The following ME1 variants were observed in gnomAD, a reference collection of about 807,000 sequenced individuals.
ME1 encodes NADP-dependent malic enzyme.
In ME1, 74 loss-of-function variants were observed where a neutral mutation model predicts 66.4. The observed-to-expected ratio is 1.11, with a 90% confidence interval of 0.92 to 1.35. ME1 has a LOEUF of 1.35. Among genes scored for constraint, ME1 ranks in the 40% most tolerant of loss-of-function variants. The pLI is 0.00. For synonymous variants in ME1, 251 were observed against 235.6 expected, an observed-to-expected ratio of 1.07 and a Z score of -0.60; for missense variants, 750 against 694.1, an observed-to-expected ratio of 1.08 and a Z score of -0.90.
intron 6 of ME1, among the ~76,000 whole-genome samples, chr6:83,277,364 C>A (rs1441853315): frequency 6.6e-6 from 1 of 152,070 alleles, no homozygotes. Flanking sequence ...GCCTCAGCAC[C>A]CCCAGTTTAA....
chr6:83,412,319 C>A (rs1404352192), intron 1 of ME1, among the ~76,000 whole-genome samples: 1 of 151,824 alleles, frequency 6.6e-6, no homozygotes, highest in African/African-American at 2.4e-5. Context: ...ATTATGGTAA[C>A]AGAACTTATA....
chr6:83,407,868 A>G lies in ME1; in HGVS notation c.112T>C (p.Leu38=). The part of the protein sequence containing the change: ...LAFTLEERQQ[L]NIHGLLPPSF... ...GGTGGCAACAATCCATGAATGTTCAATTGCTGTCTCTCTTCCAGGGTAAAG... is the reference window on the plus strand; with the variant it reads ...GGTGGCAACAATCCATGAATGTTCAGTTGCTGTCTCTCTTCCAGGGTAAAG... The change falls in exon 2 of 14, where the codon TTG becomes CTG. Residue 38 remains leucine (L), a synonymous_variant. Transcript: ENST00000369705. The G allele has an allele frequency of 6.2e-7, 1 of 1,613,052 alleles. No homozygotes were observed. The highest frequency in any genetic ancestry group is 8.5e-7 in the Non-Finnish European group (1 of 1,179,768).
At chr6:83,396,380 C>A (rs946447636) in intron 3 of ME1, among the ~76,000 whole-genome samples, 4 of 151,880 alleles carry the variant, frequency 2.6e-5, no homozygotes, top group Admixed American at 6.6e-5. Flanking sequence ...TAATGATAGC[C>A]ACCAAAACAA....
chr6:83,226,112 T>C (rs1316924808), intron 11 of ME1, among the ~76,000 whole-genome samples: 1 of 152,090 alleles, frequency 6.6e-6, no homozygotes, highest in Non-Finnish European at 1.5e-5. Context: ...CCTTTCCTTT[T>C]TCTCCAATCC....
intron 3 of ME1, among the ~76,000 whole-genome samples, chr6:83,374,055 T>C (rs1252338518): frequency 6.6e-6 from 1 of 152,208 alleles, no homozygotes; most frequent in Non-Finnish European, 1.5e-5. Context: ...AGTGCTGCAA[T>C]AAACATATGT....
intron 3 of ME1, among the ~76,000 whole-genome samples, chr6:83,361,682 C>G (rs924134395): frequency 6.6e-6 from 1 of 152,208 alleles, no homozygotes; most frequent in Non-Finnish European, 1.5e-5. Flanking sequence ...AGAGACAGCT[C>G]CTGGCCTGTT....
At chr6:83,374,590 CTTTAGT>C (rs1562493584) in intron 3 of ME1, among the ~76,000 whole-genome samples, 1 of 152,128 alleles carries the variant, frequency 6.6e-6, no homozygotes, top group East Asian at 1.9e-4. Context: ...TGCAGAAGCT[CTTTAGT>C]TTAAGTAGAT....
At chr6:83,224,701 AAAT>A (rs931303858) in intron 11 of ME1, among the ~76,000 whole-genome samples, 28 of 120,310 alleles carry the variant, frequency 2.3e-4, no homozygotes, top group Middle Eastern at 4.8e-3. Context: ...AAAAAAATAA[AAAT>A]AATAATAATA....
intron 3 of ME1, among the ~76,000 whole-genome samples, chr6:83,357,935 C>CTCTCTCTCTCTCTCTCTCTCTATA (rs1447805761): frequency 1.0e-4 from 3 of 30,038 alleles, no homozygotes; most frequent in African/African-American, 2.3e-4. Flanking sequence ...CTCTCTCTCT[C>CTCTCTCTCTCTCTCTCTCTCTATA]TATATATATA....
At position 83,228,865 on chromosome 6, in the gene ME1, C is replaced by T; in HGVS notation, c.1093G>A (p.Glu365Lys). The T allele has an allele frequency of 6.2e-7, 1 of 1,613,398 alleles. No individual in the cohort carries two copies. Among genetic ancestry groups the T allele is most frequent in the Non-Finnish European group, 8.5e-7 (1 of 1,179,790 alleles). The change falls in exon 10 of 14, where the codon GAA (glutamate) becomes AAA (lysine). Residue 365 changes from glutamate to lysine, a missense_variant. Physicochemically the swap from Glu to Lys is moderately conservative, Grantham distance 56 (BLOSUM62 1). Coordinates refer to ENST00000369705, the MANE Select transcript of ME1 (RefSeq NM_002395.6). The stretch of plus-strand genomic sequence containing the variant: ...GGTTTTATTTCTTGAACAATGGCTT[C>T]TAGGTTCTTCATTTCTTCATGTTCA... ...AHEHEEMKNL[E>K]AIVQEIKPTA...
At chr6:83,319,906 G>T (rs1768119507) in intron 5 of ME1, among the ~76,000 whole-genome samples, 1 of 152,178 alleles carries the variant, frequency 6.6e-6, no homozygotes, top group Admixed American at 6.5e-5. Flanking sequence ...CCTCACCGTT[G>T]TATGTTTGAT....
intron 1 of ME1, among the ~76,000 whole-genome samples, chr6:83,413,945 CA>C (rs1431251706): frequency 1.3e-5 from 2 of 151,654 alleles, no homozygotes; most frequent in African/African-American, 4.8e-5. Flanking sequence ...ACTACCTCCA[CA>C]AAAATTGAAA....
intron 9 of ME1, 81 bp downstream of exon 9, chr6:83,237,636 G>A: frequency 3.0e-6 from 2 of 666,694 alleles, no homozygotes; most frequent in East Asian, 2.7e-5. Flanking sequence ...AAGGGAGGTG[G>A]TAGAAACAGA....
At chr6:83,287,703 G>C (rs1057009550) in intron 6 of ME1, among the ~76,000 whole-genome samples, 1 of 152,088 alleles carries the variant, frequency 6.6e-6, no homozygotes, top group Non-Finnish European at 1.5e-5. Context: ...GGTATTTCTA[G>C]TTCTAGATCC....
At chr6:83,281,626 TG>T (rs1233876347) in intron 6 of ME1, among the ~76,000 whole-genome samples, 1 of 151,208 alleles carries the variant, frequency 6.6e-6, no homozygotes, top group African/African-American at 2.4e-5. Flanking sequence ...GCCAAGATGG[TG>T]AAACCCCATC....
intron 7 of ME1, among the ~76,000 whole-genome samples, chr6:83,248,148 T>C (rs955101906): frequency 2.0e-5 from 3 of 152,184 alleles, no homozygotes; most frequent in East Asian, 3.9e-4. Context: ...ATAGAAATCC[T>C]GACCCTAATT....
intron 6 of ME1, among the ~76,000 whole-genome samples, chr6:83,275,790 T>A (rs1207083101): frequency 2.0e-5 from 2 of 97,672 alleles, no homozygotes; most frequent in Non-Finnish European, 3.8e-5. Context: ...TTTTTTTTTT[T>A]GTGATGGAGT....
intron 5 of ME1, among the ~76,000 whole-genome samples, chr6:83,344,619 C>T (rs781374018): frequency 6.6e-6 from 1 of 152,064 alleles, no homozygotes; most frequent in African/African-American, 2.4e-5. Context: ...TACGGTGGCT[C>T]ACGCCGGTAA....
chr6:83,229,552 C>T (rs143698157), intron 9 of ME1, among the ~76,000 whole-genome samples: 1 of 152,214 alleles, frequency 6.6e-6, no homozygotes, highest in African/African-American at 2.4e-5. Context: ...TGATGACTTA[C>T]AAGTTGTTTT....
Sources: allele counts gnomAD v4.1 joint callset (sites outside exome capture counted in the v4.1 genomes callset), GRCh38; gene constraint gnomAD v4.1.1; transcripts MANE v1.5; gene names NCBI Gene and HGNC (gene_info 2026-07-23, HGNC 2026-07-21).